EYS: variants seen among roughly 807,000 people sequenced by gnomAD.
The protein encoded by EYS is EGF-like photoreceptor maintenance factor.
A neutral mutation model predicts 282.1 loss-of-function variants in EYS; 250 were observed. That is an observed-to-expected ratio of 0.89 (90% CI 0.80 to 0.98). EYS has a LOEUF of 0.98. Ranked by LOEUF, EYS falls within the 50% of genes least tolerant of loss-of-function variation. The pLI, the probability that EYS is intolerant of heterozygous loss-of-function variation, is 0.00. For synonymous variants in EYS, 1,355 were observed against 1,282.9 expected (o/e 1.06, Z -1.20); for missense variants, 4,016 against 3,709.0 (o/e 1.08, Z -2.15).
rs17482092 is a variant in EYS, at chr6:64,587,132, A to G, written c.5644+3091T>C. On this transcript the variant is annotated intron_variant, in intron 26 of 42. Coordinates refer to ENST00000503581, the MANE Select transcript of EYS (RefSeq NM_001142800.2). ...ACAAAACTCAAAGAATCATGCTGAT[A>G]GAGGTGGCTCCACGATGCCTCACTT... Among the ~76,000 whole-genome samples the G allele has an allele frequency of 8.3e-3, 1,258 of 152,230 alleles. 4 individuals are homozygous for G. Among genetic ancestry groups the G allele is most frequent in the Non-Finnish European group, 0.012 (843 of 67,996 alleles).
At chr6:64,907,339 T>C (rs1767861434) in intron 16 of EYS, among the ~76,000 whole-genome samples, 1 of 152,194 alleles carries the variant, frequency 6.6e-6, no homozygotes, top group South Asian at 2.1e-4. Context: ...TGTGAGCTAT[T>C]GTGCCTGGCC....
intron 39 of EYS, among the ~76,000 whole-genome samples, chr6:63,780,686 C>T (rs1482670567): frequency 6.6e-6 from 1 of 152,122 alleles, no homozygotes; most frequent in Non-Finnish European, 1.5e-5. Context: ...AATTTTCTCC[C>T]ATTCTGTAGG....
chr6:65,600,026 T>A (rs1001613401), intron 2 of EYS, among the ~76,000 whole-genome samples: 1 of 152,074 alleles, frequency 6.6e-6, no homozygotes, highest in Non-Finnish European at 1.5e-5. Context: ...AAAGTGATCA[T>A]GTGATCAAGT....
At chr6:63,802,055 T>C (rs1306413224) in intron 37 of EYS, among the ~76,000 whole-genome samples, 2 of 152,252 alleles carry the variant, frequency 1.3e-5, no homozygotes, top group Non-Finnish European at 2.9e-5. Flanking sequence ...TGTACTACTA[T>C]AATAACATTG....
At chr6:64,564,010 A>G (rs182511041) in intron 26 of EYS, among the ~76,000 whole-genome samples, 80 of 151,940 alleles carry the variant, frequency 5.3e-4, no homozygotes, top group African/African-American at 1.9e-3. Flanking sequence ...CCTGCTTTCA[A>G]AAAAACAAAT....
chr6:64,880,045 G>A (rs1430057271), intron 19 of EYS, among the ~76,000 whole-genome samples: 1 of 151,868 alleles, frequency 6.6e-6, no homozygotes, highest in Admixed American at 6.6e-5. Context: ...GCTGTCGCTG[G>A]TATAACACCT....
chr6:65,302,900 G>A (rs776098671), intron 11 of EYS: 9 of 1,613,944 alleles, frequency 5.6e-6, no homozygotes, highest in Non-Finnish European at 7.6e-6. Context: ...CAAATTGTCT[G>A]TCCAGTCCAA....
chr6:63,983,784 G>A (rs1038100171), intron 35 of EYS, among the ~76,000 whole-genome samples: 1 of 151,682 alleles, frequency 6.6e-6, no homozygotes, highest in Admixed American at 6.6e-5. Context: ...GTTCAAATGA[G>A]ACTCCCTCAG....
At chr6:64,547,417 C>T (rs147638737) in intron 26 of EYS, among the ~76,000 whole-genome samples, 157 of 152,216 alleles carry the variant, frequency 1.0e-3, no homozygotes, top group African/African-American at 3.7e-3. Flanking sequence ...AAGTTATCCA[C>T]CTCCCCACTA....
At chr6:65,204,916 T>TTCTTTATATATTCTAGAAGAATA (rs1765991554) in intron 12 of EYS, among the ~76,000 whole-genome samples, 1 of 124,320 alleles carries the variant, frequency 8.0e-6, no homozygotes, top group East Asian at 2.0e-4. Context: ...TATTTATATA[T>TTCTTTATATATTCTAGAAGAATA]TCTTTATATA....
intron 2 of EYS, among the ~76,000 whole-genome samples, chr6:65,594,708 T>C (rs376691328): frequency 5.1e-4 from 77 of 152,274 alleles, no homozygotes; most frequent in African/African-American, 1.8e-3. Context: ...TTGCCATTGC[T>C]TTTGGTGTTT....
chr6:64,088,003 C>G (rs1772217962), intron 31 of EYS, among the ~76,000 whole-genome samples: 2 of 152,080 alleles, frequency 1.3e-5, no homozygotes, highest in Non-Finnish European at 2.9e-5. Flanking sequence ...CTCACACACT[C>G]TTTGAACCTG....
chr6:64,334,335 A>G (rs1319666997), intron 29 of EYS, among the ~76,000 whole-genome samples: 1 of 152,148 alleles, frequency 6.6e-6, no homozygotes, highest in Non-Finnish European at 1.5e-5. Flanking sequence ...TCCTACTCCC[A>G]CTGCAGCAAG....
chr6:64,819,173 T>C (rs1186532320), intron 21 of EYS, among the ~76,000 whole-genome samples: 2 of 152,152 alleles, frequency 1.3e-5, no homozygotes. Context: ...ATAGGGCAGC[T>C]AGTAAGTAAG....
intron 12 of EYS, among the ~76,000 whole-genome samples, chr6:65,140,536 C>A (rs938784739): frequency 2.6e-5 from 4 of 151,528 alleles, no homozygotes; most frequent in African/African-American, 7.3e-5. Context: ...AAAGAAACTA[C>A]CATCAGAGTG....
At chr6:64,479,646 T>C (rs1366799443) in intron 26 of EYS, among the ~76,000 whole-genome samples, 2 of 151,920 alleles carry the variant, frequency 1.3e-5, no homozygotes, top group Non-Finnish European at 2.9e-5. Context: ...ACTATTCCTA[T>C]ATTTAGAGAT....
intron 41 of EYS, among the ~76,000 whole-genome samples, chr6:63,729,869 CTT>C (rs894779407): frequency 7.9e-5 from 12 of 152,112 alleles, no homozygotes; most frequent in African/African-American, 2.9e-4. Flanking sequence ...AATTCCATGA[CTT>C]TAAGAAATAC....
chr6:65,151,686 A>G (rs1764614518), intron 12 of EYS, among the ~76,000 whole-genome samples: 1 of 152,058 alleles, frequency 6.6e-6, no homozygotes, highest in Non-Finnish European at 1.5e-5. Flanking sequence ...TAAATATACA[A>G]ACACATATAT....
chr6:65,097,120 T>C (rs1774761034), intron 12 of EYS, among the ~76,000 whole-genome samples: 1 of 150,990 alleles, frequency 6.6e-6, no homozygotes, highest in Non-Finnish European at 1.5e-5. Context: ...ATATACAAAA[T>C]ATATAAGGTA....
Sources: gnomAD v4.1 joint callset for allele counts (sites outside exome capture counted in the v4.1 genomes callset) on GRCh38, gnomAD v4.1.1 for gene constraint, MANE v1.5 for transcripts, NCBI Gene and HGNC (gene_info 2026-07-23, HGNC 2026-07-21) for gene names.